Variants in ATF7IP observed in about 807,000 individuals in gnomAD.
ATF7IP encodes the protein activating transcription factor 7-interacting protein 1.
In ATF7IP, 23 loss-of-function variants were observed where a neutral mutation model predicts 106.4. The observed-to-expected ratio is 0.22, with a 90% CI of 0.16 to 0.31. The LOEUF (loss-of-function observed/expected upper bound fraction) is 0.31, where lower values mean the gene tolerates loss of function less well. Among genes scored for constraint, ATF7IP ranks in the 10% least tolerant of loss-of-function variants. The pLI is 1.00. For synonymous variants in ATF7IP, 542 were observed against 539.0 expected (o/e 1.01, Z -0.08); for missense variants, 1,334 against 1,524.3 (o/e 0.88, Z 2.08).
Position 14,436,261 on chromosome 12 carries a change from C to G in ATF7IP, c.1791+10C>G. 6.2e-7 allele frequency: 1 copy of G among 1,607,748 alleles called. No homozygotes were observed. Among genetic ancestry groups the G allele is most frequent in the Non-Finnish European group, 8.5e-7 (1 of 1,176,690 alleles). ...CCAGAAACTTCAAAAGGTATTGTGT[C>G]AATTATAAGTTATAAACCATATTGA... is the stretch of plus-strand genomic sequence containing the variant. On this transcript the variant is annotated intron_variant, in intron 4 of 14. Coordinates refer to ENST00000261168, the MANE Select transcript of ATF7IP (RefSeq NM_018179.5).
At chr12:14,408,834 A>G (rs1940749439) in intron 1 of ATF7IP, among the ~76,000 whole-genome samples, 1 of 152,302 alleles carries the variant, frequency 6.6e-6, no homozygotes, top group African/African-American at 2.4e-5. Flanking sequence ...TTTGCTTTCT[A>G]AAAGAATAGT....
chr12:14,385,283 A>C, intron 1 of ATF7IP: 2 of 983,420 alleles, frequency 2.0e-6, no homozygotes, highest in Non-Finnish European at 2.9e-6. Context: ...TCTTAATTAC[A>C]CTTTTGTGCA....
chr12:14,421,382 T>G (rs1271213521), intron 1 of ATF7IP, among the ~76,000 whole-genome samples: 1 of 152,214 alleles, frequency 6.6e-6, no homozygotes, highest in African/African-American at 2.4e-5. Flanking sequence ...GTCTCAGAGT[T>G]CTGGAGGCAA....
intron 1 of ATF7IP, among the ~76,000 whole-genome samples, chr12:14,375,301 T>C (rs1938693455): frequency 6.6e-6 from 1 of 152,064 alleles, no homozygotes; most frequent in African/African-American, 2.4e-5. Context: ...GCACTTTACA[T>C]ATGAAAAATA....
chr12:14,381,496 G>C (rs1385383620), intron 1 of ATF7IP, among the ~76,000 whole-genome samples: 2 of 152,186 alleles, frequency 1.3e-5, no homozygotes, highest in Non-Finnish European at 2.9e-5. Context: ...CTCCCAGAGT[G>C]TAGGGATTAC....
chr12:14,471,135 G>C (rs1169295240), intron 10 of ATF7IP, among the ~76,000 whole-genome samples: 2 of 152,094 alleles, frequency 1.3e-5, no homozygotes, highest in East Asian at 3.8e-4. Flanking sequence ...ATTGGATTTA[G>C]AAAATATCCT....
In ATF7IP at chr12:14,424,660, C is replaced by A. The variant is rs777048980; in HGVS notation, c.745C>A (p.Pro249Thr). 9.3e-6 allele frequency: 15 copies of A among 1,614,024 alleles called. No homozygotes were observed. The Admixed American group carries it at 2.5e-4, about 27-fold the overall frequency. ...LASGAPASTD[P>T]ASDDLASGDL... is the part of the protein sequence containing the mutation. ...TTCTGGAGCACCAGCTTCCACTGAT[C>A]CAGCCTCTGATGATCTGGCCTCTGG... The change falls in exon 2 of 15, where the codon CCA becomes ACA. Residue 249 changes from proline (P) to threonine (T), a missense_variant. Around this residue, in one of 10 missense-constraint regions of ATF7IP, gnomAD observed 438 missense variants for 405.3 expected, o/e 1.08. Transcript: ENST00000261168.
intron 9 of ATF7IP, among the ~76,000 whole-genome samples, chr12:14,463,566 A>C (rs1201430478): frequency 6.6e-6 from 1 of 152,204 alleles, no homozygotes; most frequent in Non-Finnish European, 1.5e-5. Context: ...GTGAGAGGAC[A>C]AAAGAGAACA....
At chr12:14,395,023 C>A (rs1303373724) in intron 1 of ATF7IP, 2 of 151,890 alleles carry the variant, frequency 1.3e-5, no homozygotes, top group East Asian at 1.9e-4. Context: ...GGGATGTATG[C>A]TGCACAAACT....
chr12:14,492,751 G>A (rs181215006), intron 13 of ATF7IP, among the ~76,000 whole-genome samples: 25 of 152,254 alleles, frequency 1.6e-4, no homozygotes, highest in African/African-American at 5.8e-4. Context: ...TTTGACAGTT[G>A]AGTGCCACCA....
chr12:14,377,829 G>C (rs906756151), intron 1 of ATF7IP, among the ~76,000 whole-genome samples: 2 of 151,304 alleles, frequency 1.3e-5, no homozygotes, highest in Non-Finnish European at 2.9e-5. Flanking sequence ...GGTCAGGCTG[G>C]TCTCGAGCTC....
intron 1 of ATF7IP, chr12:14,395,042 G>A (rs1216518574): frequency 1.3e-5 from 2 of 151,948 alleles, no homozygotes; most frequent in Non-Finnish European, 2.9e-5. Flanking sequence ...CTACCCAACA[G>A]ATGTGAACCA....
At position 14,498,115 on chromosome 12, in the gene ATF7IP, T is replaced by A. The variant is rs555531974; in HGVS notation, c.*42T>A. 3 of 1,511,882 alleles carry A rather than the reference T, an allele frequency of 2.0e-6. No homozygotes were observed. The highest frequency in any genetic ancestry group is 2.7e-6 in the Non-Finnish European group (3 of 1,128,652). The allele number at this position is 1,511,882 out of a possible 1,614,324, so 93.7% of individuals were successfully genotyped here. ...ATTTTCCTCTTTTAAAATTTCCACC[T>A]TTTGGTCTTGTTTTTAATCTTGTGC... On this transcript the variant is annotated 3_prime_UTR_variant, in exon 15 of 15. Coordinates refer to ENST00000261168, the MANE Select transcript of ATF7IP (RefSeq NM_018179.5).
At chr12:14,368,666 G>A (rs567340526) in intron 1 of ATF7IP, among the ~76,000 whole-genome samples, 1 of 152,168 alleles carries the variant, frequency 6.6e-6, no homozygotes, top group Non-Finnish European at 1.5e-5. Context: ...AATTAGATGG[G>A]TGAAAAATAG....
At chr12:14,419,361 T>C (rs1273480889) in intron 1 of ATF7IP, 2 of 152,150 alleles carry the variant, frequency 1.3e-5, no homozygotes, top group African/African-American at 2.4e-5. Flanking sequence ...TTACTTTTAA[T>C]GTAAGAGTTC....
At chr12:14,370,812 AG>A (rs1231511323) in intron 1 of ATF7IP, among the ~76,000 whole-genome samples, 1 of 152,142 alleles carries the variant, frequency 6.6e-6, no homozygotes, top group East Asian at 1.9e-4. Context: ...AAGTAGTATC[AG>A]TATGAAGTTA....
intron 2 of ATF7IP, among the ~76,000 whole-genome samples, chr12:14,433,097 G>C (rs950053656): frequency 6.6e-6 from 1 of 152,110 alleles, no homozygotes; most frequent in Non-Finnish European, 1.5e-5. Flanking sequence ...GGCCAGTCGA[G>C]GTGGCTCACG....
chr12:14,453,311 T>C (rs1243778503), intron 6 of ATF7IP, among the ~76,000 whole-genome samples: 2 of 152,240 alleles, frequency 1.3e-5, no homozygotes, highest in African/African-American at 2.4e-5. Flanking sequence ...ACTTCCCTTA[T>C]GTGTATATTG....
chr12:14,467,899 C>T (rs1176463408), intron 10 of ATF7IP, among the ~76,000 whole-genome samples: 2 of 152,052 alleles, frequency 1.3e-5, no homozygotes, highest in Non-Finnish European at 2.9e-5. Context: ...CATATTGGAC[C>T]ACACAGATAC....
Sources: gnomAD v4.1 joint callset for allele counts (sites outside exome capture counted in the v4.1 genomes callset) on GRCh38, gnomAD v4.1.1 for gene constraint, gnomAD v4.1.1 regional missense constraint, MANE v1.5 for transcripts, NCBI Gene and HGNC (gene_info 2026-07-23, HGNC 2026-07-21) for gene names.